SH3KBP1: variants seen among roughly 807,000 people sequenced by gnomAD.
SH3KBP1 encodes SH3 domain containing kinase binding protein 1, also known as SH3 domain-containing kinase-binding protein 1.
In SH3KBP1, 8 loss-of-function variants were observed where a neutral mutation model predicts 50.1. The ratio of observed to expected loss-of-function variants is 0.16; its 90% CI spans 0.09 to 0.29. The LOEUF (loss-of-function observed/expected upper bound fraction) is 0.29, where lower values mean the gene tolerates loss of function less well. Among genes scored for constraint, SH3KBP1 ranks in the 10% least tolerant of loss-of-function variants. The pLI is 1.00. For synonymous variants in SH3KBP1, 227 were observed against 218.6 expected, an observed-to-expected ratio of 1.04 and a Z score of -0.34; for missense variants, 377 against 535.2, an observed-to-expected ratio of 0.70 and a Z score of 2.92.
chrX:19,643,493 A>G (rs1207204559), intron 7 of SH3KBP1, among the ~76,000 whole-genome samples: 2 of 106,938 alleles, frequency 1.9e-5, no homozygotes, highest in African/African-American at 3.4e-5. Flanking sequence ...TGCCTCACTC[A>G]GCCTCCTAAA....
intron 15 of SH3KBP1, among the ~76,000 whole-genome samples, chrX:19,542,696 T>A (rs2064958716): frequency 9.0e-6 from 1 of 111,407 alleles, no homozygotes; most frequent in African/African-American, 3.3e-5. Flanking sequence ...GACAGTCCCG[T>A]CTTGGAGGAG....
At chrX:19,762,603 T>C (rs2065465418) in intron 2 of SH3KBP1, among the ~76,000 whole-genome samples, 1 of 111,579 alleles carries the variant, frequency 9.0e-6, no homozygotes, top group Non-Finnish European at 1.9e-5. Flanking sequence ...CCAAATTATC[T>C]TTAAAAATTC....
chrX:19,838,022 G>C (rs1215189516), intron 1 of SH3KBP1, among the ~76,000 whole-genome samples: 5 of 109,703 alleles, frequency 4.6e-5, no homozygotes, highest in African/African-American at 1.7e-4. Context: ...GTTTGGCAAA[G>C]ATTTCTTAAA....
At chrX:19,627,027 G>A (rs2068043108) in intron 8 of SH3KBP1, among the ~76,000 whole-genome samples, 1 of 112,221 alleles carries the variant, frequency 8.9e-6, no homozygotes, top group African/African-American at 3.2e-5. Flanking sequence ...TCATCAAATA[G>A]GCTTAAAACA....
chrX:19,791,758 G>A (rs2066537788), intron 2 of SH3KBP1, among the ~76,000 whole-genome samples: 1 of 111,449 alleles, frequency 9.0e-6, no homozygotes, highest in Admixed American at 9.6e-5. Flanking sequence ...TCCTACTCAG[G>A]AAGTAGCCTG....
chrX:19,756,311 T>C (rs954167580), intron 2 of SH3KBP1, among the ~76,000 whole-genome samples: 1 of 111,422 alleles, frequency 9.0e-6, no homozygotes, highest in Non-Finnish European at 1.9e-5. Context: ...CTCAGAATAC[T>C]GTTTGTTTTC....
Position 19,597,765 on chromosome X carries a change from C to T in SH3KBP1, c.1006-2765G>A, listed in dbSNP as rs150584540. Among the ~76,000 whole-genome samples the T allele has an allele frequency of 2.6e-3, 290 of 112,588 alleles. 1 individual carries two copies. The highest frequency in any genetic ancestry group is 4.4e-3 in the Non-Finnish European group (234 of 53,305). On this transcript the variant is annotated intron_variant, in intron 9 of 17. Transcript: ENST00000397821. The stretch of plus-strand genomic sequence containing the variant: ...GGATTTTCAGAATGGTAAATGAGCA[C>T]CAGCTTCAACTTAAAGTCACCAGAT...
intron 2 of SH3KBP1, among the ~76,000 whole-genome samples, chrX:19,769,913 G>A (rs764966158): frequency 1.8e-5 from 2 of 111,528 alleles, no homozygotes; most frequent in East Asian, 5.6e-4. Flanking sequence ...TGTCACAGCT[G>A]ATTCTTGAAA....
In SH3KBP1 at chrX:19,694,411, A is replaced by G. The variant is rs765245998; in HGVS notation, c.520+1201T>C. Among the ~76,000 whole-genome samples the G allele has an allele frequency of 3.6e-5, 4 of 111,160 alleles. No individual in the cohort carries two copies. In the East Asian group the frequency reaches 1.1e-3, roughly 32 times the overall value. ...CTCATCAGCTGGGCCATGTTAATAG[A>G]GAATCCCCCTGCCCTGAGCCAGAGA... On this transcript the variant is annotated intron_variant, in intron 5 of 17. Coordinates refer to ENST00000397821, the MANE Select transcript of SH3KBP1 (RefSeq NM_031892.3).
At chrX:19,589,067 C>T (rs2066659396) in intron 11 of SH3KBP1, among the ~76,000 whole-genome samples, 1 of 112,119 alleles carries the variant, frequency 8.9e-6, no homozygotes, top group African/African-American at 3.2e-5. Context: ...TCAGCATACT[C>T]CAGCTCTTCC....
chrX:19,823,186 C>T (rs1244239835), intron 2 of SH3KBP1, among the ~76,000 whole-genome samples: 3 of 111,425 alleles, frequency 2.7e-5, no homozygotes, highest in Non-Finnish European at 5.6e-5. Context: ...TCTCCACTGA[C>T]GACATTCCAG....
chrX:19,579,691 T>C (rs191283952), intron 12 of SH3KBP1, among the ~76,000 whole-genome samples: 31 of 111,340 alleles, frequency 2.8e-4, no homozygotes, highest in Non-Finnish European at 5.5e-4. Flanking sequence ...TGAGAGAAGA[T>C]AATATGTACA....
chrX:19,624,846 T>C (rs1003649895), intron 8 of SH3KBP1, among the ~76,000 whole-genome samples: 2 of 112,508 alleles, frequency 1.8e-5, no homozygotes, highest in African/African-American at 3.2e-5. Context: ...TGCTCAACAC[T>C]GACATTTTCC....
chrX:19,857,260 A>C (rs1051411386), intron 1 of SH3KBP1, among the ~76,000 whole-genome samples: 2 of 110,313 alleles, frequency 1.8e-5, no homozygotes, highest in African/African-American at 6.6e-5. Flanking sequence ...GCAGAGAGGA[A>C]GTATAACTAT....
chrX:19,594,269 C>T (rs1244223694), intron 10 of SH3KBP1, among the ~76,000 whole-genome samples: 1 of 111,323 alleles, frequency 9.0e-6, no homozygotes, highest in East Asian at 2.8e-4. Context: ...AGGAGTTCTA[C>T]CGGGAAATAT....
chrX:19,787,046 G>A (rs1322849186), intron 2 of SH3KBP1, among the ~76,000 whole-genome samples: 4 of 111,786 alleles, frequency 3.6e-5, no homozygotes, highest in African/African-American at 1.3e-4. Flanking sequence ...ACAGCTTAAT[G>A]ATATTATGTT....
At chrX:19,748,651 T>C (rs775933013) in intron 2 of SH3KBP1, among the ~76,000 whole-genome samples, 29 of 111,671 alleles carry the variant, frequency 2.6e-4, no homozygotes, top group Non-Finnish European at 4.7e-4. Flanking sequence ...ACCTAAAATA[T>C]GTCTTGCATT....
intron 6 of SH3KBP1, among the ~76,000 whole-genome samples, chrX:19,667,812 ATTTTT>A (rs779927127): frequency 4.1e-3 from 229 of 55,861 alleles, no homozygotes; most frequent in Middle Eastern, 0.019. Context: ...TTCTGTTGGG[ATTTTT>A]TTTTTTTTTT....
intron 3 of SH3KBP1, among the ~76,000 whole-genome samples, chrX:19,726,060 C>G (rs1012769446): frequency 2.7e-5 from 3 of 111,650 alleles, no homozygotes; most frequent in Non-Finnish European, 3.8e-5. Context: ...TTAGCTGAAC[C>G]CAGGAAGATG....
Sources: gnomAD v4.1 joint callset for allele counts (sites outside exome capture counted in the v4.1 genomes callset) on GRCh38, gnomAD v4.1.1 for gene constraint, MANE v1.5 for transcripts, NCBI Gene and HGNC (gene_info 2026-07-23, HGNC 2026-07-21) for gene names.